The following LRIG3 variants were observed in gnomAD, a reference collection of about 807,000 sequenced individuals.
LRIG3 encodes the protein leucine rich repeats and immunoglobulin like domains 3.
In LRIG3, 76 loss-of-function variants were observed where a neutral mutation model predicts 114.5. The ratio of observed to expected loss-of-function variants is 0.66; its 90% CI spans 0.55 to 0.80. LRIG3 has a LOEUF of 0.80. Ranked by LOEUF, LRIG3 falls within the 30% of genes least tolerant of loss-of-function variation. The pLI, the probability that LRIG3 is intolerant of heterozygous loss-of-function variation, is 0.00. For synonymous variants in LRIG3, 512 were observed against 519.8 expected (o/e 0.98, Z 0.20); for missense variants, 1,239 against 1,382.8 (o/e 0.90, Z 1.65).
chr12:58,905,784 G>A (rs1337647488), intron 3 of LRIG3, among the ~76,000 whole-genome samples: 1 of 152,134 alleles, frequency 6.6e-6, no homozygotes, highest in Non-Finnish European at 1.5e-5. Flanking sequence ...GCCCTACACC[G>A]GCTTAGGGAT....
intron 18 of LRIG3, 99 bp from the exon 19 acceptor site, chr12:58,872,915 G>A (rs995902709): frequency 1.4e-6 from 2 of 1,477,236 alleles, no homozygotes; most frequent in African/African-American, 2.8e-5. Flanking sequence ...CCATGAATAT[G>A]AGTAAGTGTT....
chr12:58,878,470 C>T (rs1871004670), intron 14 of LRIG3, among the ~76,000 whole-genome samples: 1 of 151,916 alleles, frequency 6.6e-6, no homozygotes, highest in Non-Finnish European at 1.5e-5. Context: ...AATTTGTTCC[C>T]ACATTTTTTT....
intron 5 of LRIG3, 139 bp downstream of exon 5, chr12:58,889,857 C>T: frequency 1.8e-6 from 2 of 1,081,998 alleles, no homozygotes. Context: ...TTTGGAGATT[C>T]TACAGCTCCA....
chr12:58,906,585 A>G (rs890210960), intron 3 of LRIG3, among the ~76,000 whole-genome samples: 6 of 152,168 alleles, frequency 3.9e-5, no homozygotes, highest in South Asian at 2.1e-4. Flanking sequence ...TGCTGGGTTC[A>G]GTATATAAAT....
intron 3 of LRIG3, among the ~76,000 whole-genome samples, chr12:58,901,597 G>T (rs986879430): frequency 1.3e-5 from 2 of 152,140 alleles, no homozygotes; most frequent in African/African-American, 4.8e-5. Context: ...CATCACTGCA[G>T]AAAGTGCCAT....
chr12:58,895,745 G>A (rs1355652078), intron 3 of LRIG3, among the ~76,000 whole-genome samples: 1 of 152,172 alleles, frequency 6.6e-6, no homozygotes, highest in East Asian at 1.9e-4. Flanking sequence ...GGAGGAAGAG[G>A]GCATGACCAG....
rs760319879 is a variant in LRIG3 at position 58,876,552 on chromosome 12, G to A, written c.2588C>T (p.Thr863Met). 26 of 1,614,010 alleles carry A rather than the reference G, an allele frequency of 1.6e-5. No homozygotes were observed. In the East Asian group the frequency reaches 2.2e-4, roughly 14 times the overall value. The change falls in exon 16 of 19, where the codon ACG becomes ATG. Residue 863 changes from threonine to methionine, a missense_variant. By Grantham distance (81) the Thr-to-Met change is moderately conservative. Transcript: ENST00000320743. ...GTACCCATCCTGCCTGTCAGCTAAC[G>A]TTCCCTGAGATGACAAATAACTAGG... is the stretch of plus-strand genomic sequence containing the variant. Reference protein sequence around the residue: ...DIPSYLSSQGTLADRQDGYVS... With the variant: ...DIPSYLSSQGMLADRQDGYVS...
At chr12:58,887,492 A>G (rs1278961637) in intron 8 of LRIG3, among the ~76,000 whole-genome samples, 1 of 134,416 alleles carries the variant, frequency 7.4e-6, no homozygotes, top group Non-Finnish European at 1.5e-5. Flanking sequence ...TTTTACAAAG[A>G]AAAACTTAGT....
intron 3 of LRIG3, among the ~76,000 whole-genome samples, chr12:58,909,668 A>G (rs1056959131): frequency 6.6e-6 from 1 of 152,196 alleles, no homozygotes. Flanking sequence ...CAATAACTCT[A>G]TGAGATAGAC....
intron 3 of LRIG3, among the ~76,000 whole-genome samples, chr12:58,892,529 T>A (rs1459522839): frequency 6.6e-6 from 1 of 152,312 alleles, no homozygotes; most frequent in South Asian, 2.1e-4. Context: ...GAGGTGTACC[T>A]CTTACATATT....
intron 3 of LRIG3, 138 bp downstream of exon 3, chr12:58,913,844 T>C (rs10877187): frequency 0.059 from 38,917 of 659,816 alleles, 1,554 homozygotes; most frequent in Admixed American, 0.14. Flanking sequence ...AGTTAACCAA[T>C]TTAAAGCGCG....
chr12:58,900,331 C>CA (rs1871799769), intron 3 of LRIG3, among the ~76,000 whole-genome samples: 1 of 151,090 alleles, frequency 6.6e-6, no homozygotes, highest in Admixed American at 6.6e-5. Context: ...AAGTCAGTTA[C>CA]AATTTATCCA....
intron 3 of LRIG3, among the ~76,000 whole-genome samples, chr12:58,911,765 T>C (rs552786536): frequency 9.2e-5 from 14 of 152,094 alleles, no homozygotes; most frequent in Admixed American, 3.9e-4. Context: ...ACAACACAAA[T>C]TAAAAGTGCT....
chr12:58,883,465 A>G, intron 11 of LRIG3, 55 bp downstream of exon 11: 1 of 1,292,750 alleles, frequency 7.7e-7, no homozygotes, highest in Non-Finnish European at 1.1e-6. Flanking sequence ...GCCACACCAT[A>G]TGACAGTTTT....
chr12:58,913,352 A>G (rs1019761400), intron 3 of LRIG3: 5 of 152,240 alleles, frequency 3.3e-5, no homozygotes, highest in African/African-American at 1.2e-4. Context: ...TCCAAAACCT[A>G]CGTCAGTGCA....
rs1442007135 is a variant in LRIG3, at chr12:58,876,741, G to A, written c.2537-138C>T. 15 of 836,586 alleles carry A rather than the reference G, an allele frequency of 1.8e-5. No homozygotes were observed. In the Admixed American group the frequency reaches 2.6e-4, roughly 14 times the overall value. 51.8% of individuals were successfully genotyped at this position (836,586 alleles called of 1,614,324 possible). On this transcript the variant is annotated intron_variant, in intron 15 of 18. Coordinates refer to ENST00000320743, the MANE Select transcript of LRIG3 (RefSeq NM_153377.5). ...AGATCTACTCTGGCAAAACCATCTC[G>A]ATTGTACAGTATTCTGGAACGGCAA...
intron 3 of LRIG3, among the ~76,000 whole-genome samples, chr12:58,892,478 G>T (rs1425528712): frequency 6.6e-6 from 1 of 152,134 alleles, no homozygotes; most frequent in South Asian, 2.1e-4. Context: ...CTGCATTATT[G>T]TAACTCATCA....
chr12:58,872,848 T>C lies in LRIG3; in HGVS notation c.3116-32A>G, dbSNP rs778445461. ...GAAAGAAACACCTTGAGCACATGGG[T>C]CCCTTTGCTAGCATGTGAATCAATA... On this transcript the variant is annotated intron_variant, in intron 18 of 18. Coordinates refer to ENST00000320743, the MANE Select transcript of LRIG3 (RefSeq NM_153377.5). The C allele has an allele frequency of 5.0e-6, 8 of 1,590,738 alleles. No homozygotes were observed. In the South Asian group the frequency reaches 7.9e-5, roughly 16 times the overall value.
At chr12:58,912,101 C>T (rs1158396907) in intron 3 of LRIG3, among the ~76,000 whole-genome samples, 1 of 152,110 alleles carries the variant, frequency 6.6e-6, no homozygotes, top group Non-Finnish European at 1.5e-5. Flanking sequence ...AAGTGAAACA[C>T]AAAAACAATA....
Sources: allele counts gnomAD v4.1 joint callset (sites outside exome capture counted in the v4.1 genomes callset), GRCh38; gene constraint gnomAD v4.1.1; transcripts MANE v1.5; gene names NCBI Gene and HGNC (gene_info 2026-07-23, HGNC 2026-07-21).